The following PHACTR4 variants were observed in gnomAD, a reference collection of about 807,000 sequenced individuals.
PHACTR4 encodes phosphatase and actin regulator 4, also known as protein phosphatase 1, regulatory subunit 124.
A neutral mutation model predicts 72.7 loss-of-function variants in PHACTR4; 51 were observed. That is an observed-to-expected ratio of 0.70 (90% CI 0.56 to 0.89). PHACTR4 has a LOEUF of 0.89. Ranked by LOEUF, PHACTR4 falls within the 40% of genes least tolerant of loss-of-function variation. PHACTR4 has a pLI of 0.00. For synonymous variants in PHACTR4, 255 were observed against 302.5 expected (o/e 0.84, Z 1.63); for missense variants, 731 against 861.8 (o/e 0.85, Z 1.90).
In PHACTR4 at chr1:28,389,711, C is replaced by T. The variant is rs909850419; in HGVS notation, c.-38-17699C>T. Among the ~76,000 whole-genome samples, 3 of 152,056 alleles carry T rather than the reference C, an allele frequency of 2.0e-5. No individual in the cohort carries two copies. The South Asian group carries it at 6.2e-4, about 32-fold the overall frequency. ...CAAGATGGTCTTGATCTCTTGACCT[C>T]GTGATCGCCTGCCTCGGCCCCCCAC... On this transcript the variant is annotated intron_variant, in intron 1 of 13. Transcript: ENST00000373839.
chr1:28,491,091 G>A, intron 11 of PHACTR4, 79 bp downstream of exon 11: 1 of 1,407,028 alleles, frequency 7.1e-7, no homozygotes, highest in Non-Finnish European at 1.0e-6. Flanking sequence ...ATTCACAGCT[G>A]GGCACAGTGG....
At chr1:28,439,749 G>T (rs1656868083) in intron 2 of PHACTR4, among the ~76,000 whole-genome samples, 1 of 152,104 alleles carries the variant, frequency 6.6e-6, no homozygotes. Flanking sequence ...ATGACATTTT[G>T]CTTCTTTGTT....
In PHACTR4 at chr1:28,466,741, G is replaced by A. The variant is rs374590456; in HGVS notation, c.796G>A (p.Ala266Thr). The stretch of plus-strand genomic sequence containing the variant: ...GCCCCCTATCCCTCCCCCTAAACCA[G>A]CTCACAGAAATAGCAACCCTGTCAT... ...KQPPIPPPKPAHRNSNPVIAE... is the reference protein window; with the variant it reads ...KQPPIPPPKPTHRNSNPVIAE... Residue 266 changes from alanine (A) to threonine (T), a missense_variant, in exon 6 of 14, where the codon GCT (alanine) becomes ACT (threonine). Coordinates refer to ENST00000373839, the MANE Select transcript of PHACTR4 (RefSeq NM_001048183.3). 4 of 1,611,618 alleles carry A rather than the reference G, an allele frequency of 2.5e-6. No individual in the cohort carries two copies. Among genetic ancestry groups the A allele is most frequent in the Non-Finnish European group, 3.4e-6 (4 of 1,178,506 alleles).
chr1:28,497,611 G>A lies in PHACTR4; in HGVS notation c.*1062G>A, dbSNP rs1190488911. On this transcript the variant is annotated 3_prime_UTR_variant, in exon 14 of 14. Transcript: ENST00000373839. ...TACAAAAACAAGAAAGGCGTTTTGAGCCCCTGTGCTCAGGCCCACTCCCAC... is the reference window on the plus strand; with the variant it reads ...TACAAAAACAAGAAAGGCGTTTTGAACCCCTGTGCTCAGGCCCACTCCCAC... 6.8e-6 allele frequency: 1 copy of A among 146,988 alleles called. No homozygotes were observed. Among genetic ancestry groups the A allele is most frequent in the African/African-American group, 2.5e-5 (1 of 39,526 alleles). The allele number at this position is 146,988 out of a possible 1,614,324, so 9.1% of individuals were successfully genotyped here.
chr1:28,371,855 A>G (rs1048314619), intron 1 of PHACTR4, among the ~76,000 whole-genome samples: 10 of 151,708 alleles, frequency 6.6e-5, no homozygotes, highest in Non-Finnish European at 1.0e-4. Flanking sequence ...CTCCCTCCCA[A>G]AGTGCTGGTA....
intron 7 of PHACTR4, 40 bp downstream of exon 7, chr1:28,474,191 T>C: frequency 6.5e-7 from 1 of 1,532,920 alleles, no homozygotes; most frequent in Non-Finnish European, 8.9e-7. Flanking sequence ...TCTCCTTTAC[T>C]CTAGATAGCC....
intron 2 of PHACTR4, chr1:28,457,882 G>T (rs747565765): frequency 5.1e-6 from 5 of 982,332 alleles, no homozygotes; most frequent in East Asian, 1.1e-4. Flanking sequence ...GCTGCATTGT[G>T]TACCTTCCTG....
At position 28,491,815 on chromosome 1, in the gene PHACTR4, T is replaced by C. The variant is rs767873825; in HGVS notation, c.2016+28T>C. 4.4e-6 allele frequency: 7 copies of C among 1,598,248 alleles called. No individual in the cohort carries two copies. The East Asian group carries it at 1.6e-4, about 36-fold the overall frequency. ...ACCTGGAAAGCACTCTCTTGCTTTT[T>C]TTCTCTTTCTCTTTTTCTCTTTATT... On this transcript the variant is annotated intron_variant, in intron 12 of 13. Coordinates refer to ENST00000373839, the MANE Select transcript of PHACTR4 (RefSeq NM_001048183.3).
At chr1:28,482,497 G>A (rs1660342169) in intron 9 of PHACTR4, among the ~76,000 whole-genome samples, 1 of 152,184 alleles carries the variant, frequency 6.6e-6, no homozygotes, top group South Asian at 2.1e-4. Flanking sequence ...AAGAATCCAG[G>A]TTGTATAGAT....
In PHACTR4 at chr1:28,424,981, A is replaced by T. The variant is rs148457386; in HGVS notation, c.16+17518A>T. On this transcript the variant is annotated intron_variant, in intron 2 of 13. Coordinates refer to ENST00000373839, the MANE Select transcript of PHACTR4 (RefSeq NM_001048183.3). ...GCTAATTTTTGTATTTTTAGTAGAG[A>T]TGGCATTTTCACTGTTGGTCAGGCT... is the stretch of plus-strand genomic sequence containing the variant. Among the ~76,000 whole-genome samples, 958 of 151,326 alleles carry T rather than the reference A, an allele frequency of 6.3e-3. 11 individuals are homozygous for T. The highest frequency in any genetic ancestry group is 0.022 in the African/African-American group (912 of 41,084).
At chr1:28,474,632 G>A (rs1479971670) in intron 7 of PHACTR4, among the ~76,000 whole-genome samples, 3 of 148,122 alleles carry the variant, frequency 2.0e-5, no homozygotes, top group South Asian at 2.2e-4. Flanking sequence ...AACCTCTGCC[G>A]CCCAGGTTCA....
Position 28,387,871 on chromosome 1 carries a change from G to A in PHACTR4, c.-39+18046G>A, listed in dbSNP as rs1652685518. Among the ~76,000 whole-genome samples, 4 of 152,210 alleles carry A rather than the reference G, an allele frequency of 2.6e-5. No individual in the cohort carries two copies. The South Asian group carries it at 8.3e-4, about 32-fold the overall frequency. ...GCCTCCTGGGTAACTGGGATTACAGGTGCACGCCACCACGCCTGGCTAATT... is the reference window on the plus strand; with the variant it reads ...GCCTCCTGGGTAACTGGGATTACAGATGCACGCCACCACGCCTGGCTAATT... On this transcript the variant is annotated intron_variant, in intron 1 of 13. Coordinates refer to ENST00000373839, the MANE Select transcript of PHACTR4 (RefSeq NM_001048183.3).
chr1:28,416,022 A>G (rs1484391526), intron 2 of PHACTR4, among the ~76,000 whole-genome samples: 3 of 152,200 alleles, frequency 2.0e-5, no homozygotes, highest in African/African-American at 4.8e-5. Flanking sequence ...ATGCACTTCA[A>G]AGTTCATGGG....
At chr1:28,424,124 G>A (rs1037308521) in intron 2 of PHACTR4, among the ~76,000 whole-genome samples, 16 of 152,100 alleles carry the variant, frequency 1.1e-4, no homozygotes, top group African/African-American at 3.9e-4. Context: ...CTGCAGTTTT[G>A]TCCTTCTAAG....
At chr1:28,459,363 G>C in intron 3 of PHACTR4, 105 bp downstream of exon 3, 1 of 829,688 alleles carries the variant, frequency 1.2e-6, no homozygotes, top group Non-Finnish European at 1.8e-6. Flanking sequence ...TCTATTTGAA[G>C]AGGGTATTTA....
intron 1 of PHACTR4, among the ~76,000 whole-genome samples, chr1:28,389,188 AGATCT>A (rs1198801966): frequency 1.4e-4 from 21 of 152,144 alleles, no homozygotes; most frequent in African/African-American, 4.1e-4. Context: ...AATGGGCAAA[AGATCT>A]GAATAGACAT....
At chr1:28,472,807 G>A (rs1659647325) in intron 6 of PHACTR4, among the ~76,000 whole-genome samples, 1 of 136,510 alleles carries the variant, frequency 7.3e-6, no homozygotes, top group Admixed American at 7.5e-5. Context: ...TAGTAGAGAC[G>A]GGGTTTCACC....
intron 2 of PHACTR4, among the ~76,000 whole-genome samples, chr1:28,446,664 A>G (rs1010681131): frequency 6.6e-6 from 1 of 152,064 alleles, no homozygotes; most frequent in Non-Finnish European, 1.5e-5. Context: ...CTGTAGTCCC[A>G]GCTATTCAGG....
intron 1 of PHACTR4, among the ~76,000 whole-genome samples, chr1:28,387,326 T>TA (rs1317737244): frequency 6.8e-6 from 1 of 147,054 alleles, no homozygotes; most frequent in Non-Finnish European, 1.5e-5. Context: ...GAGTGACAAA[T>TA]AGAAAGAGGG....
Sources: gnomAD v4.1 joint callset for allele counts (sites outside exome capture counted in the v4.1 genomes callset) on GRCh38, gnomAD v4.1.1 for gene constraint, MANE v1.5 for transcripts, NCBI Gene and HGNC (gene_info 2026-07-23, HGNC 2026-07-21) for gene names.